TPRG1: variants seen among roughly 807,000 people sequenced by gnomAD.
TPRG1 encodes tumor protein p63 regulated 1, also known as tumor protein p63-regulated gene 1 protein.
Under a neutral mutation model 29.3 loss-of-function variants are expected in TPRG1, and 29 were observed. The observed-to-expected ratio is 0.99, with a 90% CI of 0.74 to 1.35. The LOEUF (loss-of-function observed/expected upper bound fraction) is 1.35, where lower values mean the gene tolerates loss of function less well. Among genes scored for constraint, TPRG1 ranks in the 40% most tolerant of loss-of-function variants. The pLI, the probability that TPRG1 is intolerant of heterozygous loss-of-function variation, is 0.00. For missense variants in TPRG1, 327 were observed against 335.0 expected, an observed-to-expected ratio of 0.98 and a Z score of 0.19; for synonymous variants, 130 against 116.8, an observed-to-expected ratio of 1.11 and a Z score of -0.73.
intron 4 of TPRG1, among the ~76,000 whole-genome samples, chr3:189,086,767 T>C (rs1044039792): frequency 1.3e-5 from 2 of 152,118 alleles, no homozygotes; most frequent in African/African-American, 4.8e-5. Flanking sequence ...AGGAGTTTTT[T>C]TGTTCTTGCA....
rs180728490 is a variant in TPRG1 at position 189,023,372 on chromosome 3, T to A, written c.-659-378T>A. ...AGGTCAGTTATTTTCCTCTCTATAC[T>A]GGCTGTTTTTGCTGTCAGCTTCTGC... is the stretch of plus-strand genomic sequence containing the variant. On this transcript the variant is annotated intron_variant, in intron 3 of 10. Coordinates refer to the TPRG1 transcript ENST00000433971. Among the ~76,000 whole-genome samples the A allele has an allele frequency of 2.2e-3, 340 of 152,366 alleles. 3 individuals carry two copies. Among genetic ancestry groups the A allele is most frequent in the East Asian group, 0.012 (60 of 5,182 alleles).
chr3:189,113,577 T>C (rs970492223), intron 1 of TPRG1, among the ~76,000 whole-genome samples: 1,544 of 152,264 alleles, frequency 0.01, 27 homozygotes, highest in African/African-American at 0.034. Flanking sequence ...TTGAGAGTTT[T>C]TAGCATGAAG....
At chr3:189,023,887 G>C (rs948829057) in exon 4 of TPRG1, 6 of 152,308 alleles carry the variant, frequency 3.9e-5, no homozygotes, top group Non-Finnish European at 4.4e-5. Flanking sequence ...CATCCTAGGG[G>C]TGTACAGAAC....
At chr3:189,233,371 G>T (rs1339078223) in intron 3 of TPRG1, among the ~76,000 whole-genome samples, 1 of 152,144 alleles carries the variant, frequency 6.6e-6, no homozygotes, top group African/African-American at 2.4e-5. Flanking sequence ...GAGTAACTGG[G>T]TGTGGGCACT....
chr3:189,104,294 C>T (rs1719554445), intron 1 of TPRG1, among the ~76,000 whole-genome samples: 1 of 152,086 alleles, frequency 6.6e-6, no homozygotes, highest in South Asian at 2.1e-4. Context: ...AGAGCACTAA[C>T]CACAGTGCTT....
At position 189,223,834 on chromosome 3, in the gene TPRG1, T is replaced by C. The variant is rs74974350; in HGVS notation, c.302+8451T>C. On this transcript the variant is annotated intron_variant, in intron 3 of 5. Transcript: ENST00000345063. The stretch of plus-strand genomic sequence containing the variant: ...TATGACAGTTTTTTGCCATATGTTA[T>C]GTCATGTAAGAGTTGGCTTTTAATT... Among the ~76,000 whole-genome samples the C allele has an allele frequency of 7.0e-3, 1,074 of 152,342 alleles. 13 individuals carry two copies. The highest frequency in any genetic ancestry group is 0.024 in the African/African-American group (1,014 of 41,572).
intron 2 of TPRG1, among the ~76,000 whole-genome samples, chr3:189,211,364 G>T (rs956463191): frequency 6.6e-6 from 1 of 152,178 alleles, no homozygotes; most frequent in African/African-American, 2.4e-5. Flanking sequence ...AGCAGCCGAT[G>T]CCATAATCAG....
At chr3:189,204,417 G>A (rs183140135) in intron 1 of TPRG1, among the ~76,000 whole-genome samples, 263 of 151,702 alleles carry the variant, frequency 1.7e-3, no homozygotes, top group Non-Finnish European at 2.7e-3. Flanking sequence ...TCCTGTTGGG[G>A]AAGCTGAGGA....
chr3:189,105,250 T>C (rs1405749403), intron 1 of TPRG1, among the ~76,000 whole-genome samples: 6 of 152,084 alleles, frequency 3.9e-5, no homozygotes, highest in Non-Finnish European at 8.8e-5. Flanking sequence ...CTTTTTTCAA[T>C]GGTATGTCTC....
At chr3:189,234,857 A>G (rs988575707) in intron 3 of TPRG1, among the ~76,000 whole-genome samples, 25 of 152,320 alleles carry the variant, frequency 1.6e-4, no homozygotes, top group African/African-American at 5.8e-4. Context: ...GTGGTCTGAA[A>G]GTGTATATCA....
intron 5 of TPRG1, among the ~76,000 whole-genome samples, chr3:189,312,340 T>C (rs1251514599): frequency 1.3e-5 from 2 of 151,826 alleles, no homozygotes; most frequent in East Asian, 3.9e-4. Flanking sequence ...TAGCTGGGAC[T>C]ACAGGCGCCC....
chr3:189,209,890 TACTC>T (rs1263984958), intron 2 of TPRG1, among the ~76,000 whole-genome samples: 1 of 152,220 alleles, frequency 6.6e-6, no homozygotes, highest in Non-Finnish European at 1.5e-5. Flanking sequence ...TTTCCCAAGA[TACTC>T]AGTGTTTGCC....
rs756596078 is a variant in TPRG1, at chr3:189,323,735, G to A, written c.*2915G>A. The A allele has an allele frequency of 6.6e-6, 1 of 152,086 alleles. No individual in the cohort carries two copies. The highest frequency in any genetic ancestry group is 1.5e-5 in the Non-Finnish European group (1 of 68,008). The allele number at this position is 152,086 out of a possible 1,614,324, so 9.4% of individuals were successfully genotyped here. ...ACTTACCACTACAGTTTAGCAAATG[G>A]CATGATGAGTTTGATTGATAATAGG... On this transcript the variant is annotated 3_prime_UTR_variant, in exon 6 of 6. Coordinates refer to ENST00000345063, the MANE Select transcript of TPRG1 (RefSeq NM_198485.4).
At chr3:189,291,191 G>A (rs1022198148) in intron 4 of TPRG1, among the ~76,000 whole-genome samples, 7 of 152,024 alleles carry the variant, frequency 4.6e-5, no homozygotes, top group African/African-American at 7.3e-5. Flanking sequence ...GTGAGCCACC[G>A]CACCCAGCCG....
At chr3:189,095,727 GA>G (rs1718631604), upstream of TPRG1, among the ~76,000 whole-genome samples, 1 of 152,194 alleles carries the variant, frequency 6.6e-6, no homozygotes, top group South Asian at 2.1e-4. Context: ...TTTCATCTCA[GA>G]ATCCCCATTG....
chr3:189,226,660 T>C (rs1250752657), intron 3 of TPRG1, among the ~76,000 whole-genome samples: 1 of 149,938 alleles, frequency 6.7e-6, no homozygotes, highest in Non-Finnish European at 1.5e-5. Context: ...TAGAAGAAAG[T>C]AAATAACTTA....
intron 4 of TPRG1, among the ~76,000 whole-genome samples, chr3:189,094,376 C>A (rs184296962): frequency 3.9e-5 from 6 of 152,114 alleles, no homozygotes; most frequent in Non-Finnish European, 8.8e-5. Context: ...CCATAACTGC[C>A]CCCTCCTTCT....
intron 4 of TPRG1, among the ~76,000 whole-genome samples, chr3:189,079,965 C>T (rs891054930): frequency 3.3e-5 from 5 of 152,010 alleles, no homozygotes; most frequent in Non-Finnish European, 7.4e-5. Context: ...TTTTTTGTGC[C>T]CTCCCTCCAA....
At chr3:189,032,754 C>T (rs370722733) in intron 4 of TPRG1, among the ~76,000 whole-genome samples, 94 of 114,082 alleles carry the variant, frequency 8.2e-4, no homozygotes, top group African/African-American at 3.0e-3. Context: ...CCCCTCCCCC[C>T]ACCCCACAAC....
Sources: gnomAD v4.1 joint callset for allele counts (sites outside exome capture counted in the v4.1 genomes callset) on GRCh38, gnomAD v4.1.1 for gene constraint, MANE v1.5 for transcripts, NCBI Gene and HGNC (gene_info 2026-07-23, HGNC 2026-07-21) for gene names.